The following PUDP variants were observed in gnomAD, a reference collection of about 807,000 sequenced individuals.
PUDP encodes the protein pseudouridine-5'-phosphatase.
In PUDP, 8 loss-of-function variants were observed where a neutral mutation model predicts 9.4. That is an observed-to-expected ratio of 0.85 (90% CI 0.50 to 1.53). The LOEUF (loss-of-function observed/expected upper bound fraction) is 1.53. Among genes scored for constraint, PUDP ranks in the 40% most tolerant of loss-of-function variants. The pLI is 0.00. For synonymous variants in PUDP, 99 were observed against 80.7 expected, an observed-to-expected ratio of 1.23 and a Z score of -1.22; for missense variants, 188 against 189.7, an observed-to-expected ratio of 0.99 and a Z score of 0.05.
At chrX:7,140,131 T>G (rs1215771666) in intron 1 of PUDP, among the ~76,000 whole-genome samples, 1 of 112,326 alleles carries the variant, frequency 8.9e-6, no homozygotes, top group African/African-American at 3.2e-5. Flanking sequence ...TAGAAATGCA[T>G]GTGTTAGGAT....
intron 3 of PUDP, among the ~76,000 whole-genome samples, chrX:6,750,569 G>T (rs962972810): frequency 1.8e-5 from 2 of 111,695 alleles, no homozygotes; most frequent in Non-Finnish European, 3.8e-5. Context: ...GGGGTTTTCT[G>T]CTGGAAACAT....
In PUDP at chrX:7,119,700, T is replaced by C. The variant is rs778208044; in HGVS notation, c.62-13862A>G. On this transcript the variant is annotated intron_variant, in intron 1 of 3. Coordinates refer to ENST00000381077, the MANE Select transcript of PUDP (RefSeq NM_012080.5). ...TAATTCACAGGCATTAGCAATTCTA[T>C]TTAATAGGTATGGGAATTGGTCTAA... 8.0e-5 allele frequency among the ~76,000 whole-genome samples: 9 copies of C among 112,528 alleles called. No homozygotes were observed. The South Asian group carries it at 3.3e-3, about 41-fold the overall frequency.
At chrX:6,788,107 G>A (rs1016293303) in intron 3 of PUDP, among the ~76,000 whole-genome samples, 8 of 111,973 alleles carry the variant, frequency 7.1e-5, no homozygotes, top group Admixed American at 6.6e-4. Context: ...CTTAACAATT[G>A]TTCAGTGTTA....
chrX:7,146,914 G>A (rs1478429331), intron 1 of PUDP, among the ~76,000 whole-genome samples: 6 of 103,474 alleles, frequency 5.8e-5, no homozygotes. Flanking sequence ...ATGAAGGAAT[G>A]ATATACGTAA....
chrX:7,077,544 C>T, intron 2 of PUDP, 95 bp from the exon 3 acceptor site: 1 of 638,291 alleles, frequency 1.6e-6, no homozygotes, highest in Non-Finnish European at 2.4e-6. Context: ...TGGCAGCACA[C>T]TCTCAGGCTG....
intron 3 of PUDP, among the ~76,000 whole-genome samples, chrX:6,916,346 CTG>C (rs1243403903): frequency 1.8e-5 from 2 of 109,440 alleles, no homozygotes; most frequent in Non-Finnish European, 1.9e-5. Context: ...ATGCTACACA[CTG>C]TGTCGTGCCT....
intron 1 of PUDP, among the ~76,000 whole-genome samples, chrX:7,018,457 T>C (rs2146818562): frequency 8.9e-6 from 1 of 111,753 alleles, no homozygotes; most frequent in East Asian, 2.8e-4. Context: ...CAAAGAAAAA[T>C]TTGAGGAGTT....
At chrX:7,106,576 T>C (rs1183469146) in intron 1 of PUDP, among the ~76,000 whole-genome samples, 1 of 112,393 alleles carries the variant, frequency 8.9e-6, no homozygotes, top group East Asian at 2.8e-4. Context: ...TTTCTATTCA[T>C]GTGTTTTTTC....
rs368593163 is a variant in PUDP, at chrX:7,017,230, T to C, written c.205-38887A>G. Among the ~76,000 whole-genome samples, 12 of 111,999 alleles carry C rather than the reference T, an allele frequency of 1.1e-4. No homozygotes were observed. The East Asian group carries it at 2.2e-3, about 21-fold the overall frequency. ...TTTTTCTGAAATTAAACATATCGAA[T>C]GCACCACATTCTTTAGGTCCCCTCA... On this transcript the variant is annotated intron_variant and NMD_transcript_variant, in intron 1 of 3. Coordinates refer to the PUDP transcript ENST00000655425.
intron 1 of PUDP, among the ~76,000 whole-genome samples, chrX:7,137,131 C>G (rs1932756903): frequency 9.2e-6 from 1 of 108,797 alleles, no homozygotes; most frequent in Non-Finnish European, 1.9e-5. Flanking sequence ...ATCCCAGCTA[C>G]TAGGGAGGCT....
At chrX:7,082,229 T>C (rs1365105319) in intron 2 of PUDP, among the ~76,000 whole-genome samples, 3 of 111,979 alleles carry the variant, frequency 2.7e-5, no homozygotes, top group African/African-American at 9.8e-5. Flanking sequence ...ATCAGCACTG[T>C]GAGTGGGAAG....
chrX:6,864,324 G>C lies in PUDP; in HGVS notation c.*247+112809C>G, dbSNP rs1927047330. ...GGAACATTCTGAAAAAGTGAAATTA[G>C]ATGAAGTTAAAAGGATAAGAAAGGA... is the stretch of plus-strand genomic sequence containing the variant. On this transcript the variant is annotated intron_variant and NMD_transcript_variant, in intron 3 of 3. Coordinates refer to the PUDP transcript ENST00000655425. 2.7e-5 allele frequency among the ~76,000 whole-genome samples: 3 copies of C among 112,093 alleles called. 1 individual carries two copies. The South Asian group carries it at 1.1e-3, about 43-fold the overall frequency.
chrX:7,086,580 GA>G (rs1369286598), intron 2 of PUDP, among the ~76,000 whole-genome samples: 1 of 112,052 alleles, frequency 8.9e-6, no homozygotes, highest in Non-Finnish European at 1.9e-5. Flanking sequence ...TCCCTCTTCT[GA>G]TCTTCTCCAA....
intron 3 of PUDP, among the ~76,000 whole-genome samples, chrX:6,744,694 C>G (rs1043806414): frequency 1.8e-5 from 2 of 111,021 alleles, no homozygotes; most frequent in Non-Finnish European, 3.8e-5. Flanking sequence ...CCCAGGGGGG[C>G]GAAAGACATC....
intron 1 of PUDP, among the ~76,000 whole-genome samples, chrX:7,002,851 TACAG>T (rs780142824): frequency 9.1e-6 from 1 of 110,018 alleles, no homozygotes; most frequent in Admixed American, 9.6e-5. Context: ...CCCAGTGGAA[TACAG>T]ACACTCTCCC....
intron 3 of PUDP, among the ~76,000 whole-genome samples, chrX:6,935,310 G>C (rs1415606560): frequency 1.8e-5 from 1 of 55,812 alleles, no homozygotes; most frequent in African/African-American, 7.2e-5. Flanking sequence ...AATCAAACTA[G>C]AACTCAGGAT....
chrX:7,023,596 A>C (rs1411530646), intron 1 of PUDP, among the ~76,000 whole-genome samples: 1 of 112,192 alleles, frequency 8.9e-6, no homozygotes, highest in Non-Finnish European at 1.9e-5. Flanking sequence ...CAGTTGTTCC[A>C]GCACCATTTG....
chrX:6,866,259 T>G (rs1378818427), intron 3 of PUDP, among the ~76,000 whole-genome samples: 1 of 105,912 alleles, frequency 9.4e-6, no homozygotes, highest in African/African-American at 3.5e-5. Flanking sequence ...AATTTATGGT[T>G]TTTTTTTTTG....
At chrX:6,717,561 T>C (rs924879426) in intron 1 of PUDP, among the ~76,000 whole-genome samples, 1 of 112,035 alleles carries the variant, frequency 8.9e-6, no homozygotes, top group Non-Finnish European at 1.9e-5. Context: ...CCCTGCCCTC[T>C]TGTGCTCACA....
Sources: allele counts gnomAD v4.1 joint callset (sites outside exome capture counted in the v4.1 genomes callset), GRCh38; gene constraint gnomAD v4.1.1; transcripts MANE v1.5; gene names NCBI Gene and HGNC (gene_info 2026-07-23, HGNC 2026-07-21).